Variants in CXCL10 observed in about 807,000 individuals in gnomAD.
CXCL10 encodes C-X-C motif chemokine 10.
CXCL10 carries 6 observed loss-of-function variants against 10.8 expected under a neutral mutation model. The observed-to-expected ratio is 0.55, with a 90% CI of 0.30 to 1.09. CXCL10 has a LOEUF of 1.09. Ranked by LOEUF, CXCL10 falls within the 50% of genes least tolerant of loss-of-function variation. The pLI is 0.06. For synonymous variants in CXCL10, 35 were observed against 35.8 expected, an observed-to-expected ratio of 0.98 and a Z score of 0.08; for missense variants, 114 against 114.3, an observed-to-expected ratio of 1.00 and a Z score of 0.01.
chr4:76,021,941 T>C lies in CXCL10; in HGVS notation c.286A>G (p.Arg96Gly), dbSNP rs1289492369. ...LKAVSKERSK[R>G]SP ...GCTCCCCTCTGGTTTTAAGGAGATCTTTTAGACCTGTAAGAAGAGAAAGGG... is the reference window on the plus strand; with the variant it reads ...GCTCCCCTCTGGTTTTAAGGAGATCCTTTAGACCTGTAAGAAGAGAAAGGG... The change falls in exon 4 of 4, where the codon AGA becomes GGA. Residue 96 changes from arginine (R) to glycine (G), a missense_variant. Arg to Gly is a moderately radical substitution (Grantham distance 125). Coordinates refer to ENST00000306602, the MANE Select transcript of CXCL10 (RefSeq NM_001565.4). 1.2e-6 allele frequency: 2 copies of C among 1,611,374 alleles called. 1 individual carries two copies. Among genetic ancestry groups the C allele is most frequent in the South Asian group, 2.2e-5 (2 of 91,032 alleles).
chr4:76,022,551 C>G, intron 2 of CXCL10, 96 bp from the exon 3 acceptor site: 1 of 1,484,424 alleles, frequency 6.7e-7, no homozygotes, highest in Non-Finnish European at 9.3e-7. Flanking sequence ...TTAAGTTTCA[C>G]TCTGCATGTT....
chr4:76,021,948 C>A lies in CXCL10; in HGVS notation c.279G>T (p.Arg93Ser), dbSNP rs763762527. 15 of 1,610,886 alleles carry A rather than the reference C, an allele frequency of 9.3e-6. No individual in the cohort carries two copies. Among genetic ancestry groups the A allele is most frequent in the Non-Finnish European group, 1.2e-5 (14 of 1,177,180 alleles). ...KNLLKAVSKE[R>S]SKRSP ...TCTGGTTTTAAGGAGATCTTTTAGA[C>A]CTGTAAGAAGAGAAAGGGGATATAA... Residue 93 changes from arginine (R) to serine (S), a missense_variant and splice_region_variant, in exon 4 of 4, where the codon AGG becomes AGT. Arg to Ser is a moderately radical substitution (Grantham distance 110, BLOSUM62 -1). Transcript: ENST00000306602.
chr4:76,023,205 CTTCAA>C (rs1397902451), intron 1 of CXCL10, among the ~76,000 whole-genome samples, 161 bp downstream of exon 1: 1 of 152,122 alleles, frequency 6.6e-6, no homozygotes, highest in Non-Finnish European at 1.5e-5. Context: ...GTTTCTCTCA[CTTCAA>C]TTCATATAAG....
intron 2 of CXCL10, 77 bp downstream of exon 2, chr4:76,022,611 CTTT>C (rs11298565): frequency 4.0e-6 from 6 of 1,491,806 alleles, no homozygotes; most frequent in African/African-American, 1.4e-5. Context: ...CTTTACTGAT[CTTT>C]TTTTATTATC....
chr4:76,022,595 C>G (rs1426121785), intron 2 of CXCL10, 96 bp downstream of exon 2: 2 of 1,470,022 alleles, frequency 1.4e-6, no homozygotes, highest in Non-Finnish European at 1.8e-6. Context: ...AGAATCATCA[C>G]AAACCCTTTA....
At chr4:76,022,653 C>A (rs911678841) in intron 2 of CXCL10, 38 bp downstream of exon 2, 2 of 1,602,910 alleles carry the variant, frequency 1.2e-6, no homozygotes, top group Non-Finnish European at 1.7e-6. Context: ...TATATAATTA[C>A]AACCAGGGAA....
chr4:76,022,755 G>T lies in CXCL10; in HGVS notation c.124C>A (p.Pro42Thr). The change falls in exon 2 of 4, where the codon CCA becomes ACA. Residue 42 changes from proline to threonine, a missense_variant. Pro to Thr is a conservative substitution (Grantham distance 38). Coordinates refer to ENST00000306602, the MANE Select transcript of CXCL10 (RefSeq NM_001565.4). ...CISISNQPVNPRSLEKLEIIP... is the reference protein window; with the variant it reads ...CISISNQPVNTRSLEKLEIIP... ...ATTTCAAGTTTTTCTAAAGACCTTGGATTAACAGGTTGATTACTAATGCTG... is the reference window on the plus strand; with the variant it reads ...ATTTCAAGTTTTTCTAAAGACCTTGTATTAACAGGTTGATTACTAATGCTG... 1 of 1,613,538 alleles carries T rather than the reference G, an allele frequency of 6.2e-7. No homozygotes were observed. The highest frequency in any genetic ancestry group is 8.5e-7 in the Non-Finnish European group (1 of 1,179,816).
At chr4:76,022,038 T>C in intron 3 of CXCL10, 90 bp from the exon 4 acceptor site, 1 of 1,217,372 alleles carries the variant, frequency 8.2e-7, no homozygotes, top group Non-Finnish European at 1.2e-6. Context: ...GTTCATAGAA[T>C]AGATAACTGA....
Position 76,022,737 on chromosome 4 carries a change from G to A in CXCL10, c.142C>T (p.Leu48Phe), listed in dbSNP as rs772534996. Residue 48 changes from leucine (L) to phenylalanine (F), a missense_variant, in exon 2 of 4, where the codon CTT (leucine) becomes TTT (phenylalanine). Leu to Phe is a conservative substitution (Grantham distance 22, BLOSUM62 0). Coordinates refer to ENST00000306602, the MANE Select transcript of CXCL10 (RefSeq NM_001565.4). ...AATTGGCTTGCAGGAATAATTTCAA[G>A]TTTTTCTAAAGACCTTGGATTAACA... ...QPVNPRSLEK[L>F]EIIPASQFCP... 6.2e-7 allele frequency: 1 copy of A among 1,613,772 alleles called. No homozygotes were observed. The highest frequency in any genetic ancestry group is 8.5e-7 in the Non-Finnish European group (1 of 1,179,862).
In CXCL10 at chr4:76,021,794, G is replaced by C; in HGVS notation, c.*136C>G. On this transcript the variant is annotated 3_prime_UTR_variant, in exon 4 of 4. Coordinates refer to ENST00000306602, the MANE Select transcript of CXCL10 (RefSeq NM_001565.4). ...AGCAGCTGATTTGGTGACCATCATT[G>C]GTCACCTTTTAGTGTAACTGCAAAC... is the stretch of plus-strand genomic sequence containing the variant. 1 of 831,160 alleles carries C rather than the reference G, an allele frequency of 1.2e-6. No homozygotes were observed. Among genetic ancestry groups the C allele is most frequent in the South Asian group, 1.5e-5 (1 of 66,674 alleles). 51.5% of individuals were successfully genotyped at this position (831,160 alleles called of 1,614,324 possible). A position where few individuals can be genotyped will look rare whatever the true frequency, so the allele number is the denominator to read the frequency against.
intron 1 of CXCL10, 70 bp from the exon 2 acceptor site, chr4:76,022,887 G>T: frequency 6.6e-7 from 1 of 1,514,842 alleles, no homozygotes. Context: ...GTAGACTGGT[G>T]GTATTTAGCA....
intron 3 of CXCL10, 143 bp from the exon 4 acceptor site, chr4:76,022,091 C>A: frequency 1.2e-6 from 1 of 848,630 alleles, no homozygotes; most frequent in Non-Finnish European, 2.0e-6. Context: ...ATAGGGGTTG[C>A]TTTTTTCAAC....
At chr4:76,022,000 A>C in intron 3 of CXCL10, 52 bp from the exon 4 acceptor site, 1 of 1,517,132 alleles carries the variant, frequency 6.6e-7, no homozygotes, top group Non-Finnish European at 9.2e-7. Context: ...CTCTGGCTTC[A>C]GATTGGGTTG....
At position 76,022,791 on chromosome 4, in the gene CXCL10, A is replaced by G. The variant is rs776216030; in HGVS notation, c.88T>C (p.Cys30Arg). ...TGATTACTAATGCTGATGCAGGTAC[A>G]GCGTACAGTTCTAGAGAGAGGTACT... ...QGVPLSRTVR[C>R]TCISISNQPV... Residue 30 changes from cysteine to arginine, a missense_variant, in exon 2 of 4, where the codon TGT (cysteine) becomes CGT (arginine). By Grantham distance (180) the Cys-to-Arg change is radical (BLOSUM62 -3). Coordinates refer to ENST00000306602, the MANE Select transcript of CXCL10 (RefSeq NM_001565.4). 6.2e-7 allele frequency: 1 copy of G among 1,612,072 alleles called. No individual in the cohort carries two copies. The highest frequency in any genetic ancestry group is 8.5e-7 in the Non-Finnish European group (1 of 1,179,796).
rs747913501 is a variant in CXCL10, at chr4:76,021,829, T to C, written c.*101A>G. On this transcript the variant is annotated 3_prime_UTR_variant, in exon 4 of 4. Transcript: ENST00000306602. ...TAGTGTAACTGCAAACTAAGAACAA[T>C]TATGGCTTGACATATACTCCATGTA... 8.6e-5 allele frequency: 101 copies of C among 1,167,884 alleles called. No homozygotes were observed. Among genetic ancestry groups the C allele is most frequent in the Middle Eastern group, 1.9e-4 (1 of 5,186 alleles). 72.3% of individuals were successfully genotyped at this position (1,167,884 alleles called of 1,614,324 possible).
intron 1 of CXCL10, 36 bp from the exon 2 acceptor site, chr4:76,022,853 C>CA (rs1732994799): frequency 1.3e-6 from 2 of 1,587,678 alleles, no homozygotes; most frequent in African/African-American, 2.7e-5. Context: ...AAGGTTAGCA[C>CA]AGTGTTCATT....
chr4:76,022,784 C>T lies in CXCL10; in HGVS notation c.95G>A (p.Cys32Tyr). ...VPLSRTVRCT[C>Y]ISISNQPVNP... ...AACAGGTTGATTACTAATGCTGATG[C>T]AGGTACAGCGTACAGTTCTAGAGAG... Residue 32 changes from cysteine to tyrosine, a missense_variant, in exon 2 of 4, where the codon TGC becomes TAC. Transcript: ENST00000306602. The T allele has an allele frequency of 6.2e-7, 1 of 1,612,360 alleles. No individual in the cohort carries two copies. Among genetic ancestry groups the T allele is most frequent in the Non-Finnish European group, 8.5e-7 (1 of 1,179,754 alleles).
rs1733081954 is a variant in CXCL10, at chr4:76,023,489, G to C, written c.-58C>G. 1.4e-6 allele frequency: 2 copies of C among 1,478,442 alleles called. No homozygotes were observed. The highest frequency in any genetic ancestry group is 2.3e-5 in the South Asian group (2 of 88,198). The allele number at this position is 1,478,442 out of a possible 1,614,324, so 91.6% of individuals were successfully genotyped here. Reference sequence around the variant, plus strand: ...CTCAGAATATGTCTAAGCAATTGAGGAATGTCTCAGAAAACGTGGGGCTAG... The same window carrying C: ...CTCAGAATATGTCTAAGCAATTGAGCAATGTCTCAGAAAACGTGGGGCTAG... On this transcript the variant is annotated 5_prime_UTR_variant, in exon 1 of 4. Transcript: ENST00000306602.
intron 1 of CXCL10, 118 bp from the exon 2 acceptor site, chr4:76,022,935 C>T: frequency 9.9e-7 from 1 of 1,008,044 alleles, no homozygotes; most frequent in Non-Finnish European, 1.5e-6. Flanking sequence ...GTCACTTAAT[C>T]TGAGGAGGAA....
Sources: allele counts gnomAD v4.1 joint callset (sites outside exome capture counted in the v4.1 genomes callset), GRCh38; gene constraint gnomAD v4.1.1; transcripts MANE v1.5; gene names NCBI Gene and HGNC (gene_info 2026-07-23, HGNC 2026-07-21).